Variants in PYROXD1 observed in about 807,000 individuals in gnomAD.
PYROXD1 encodes tRNA ligase complex-associated NAD(P)H dehydrogenase PYROXD1.
Under a neutral mutation model 62.0 loss-of-function variants are expected in PYROXD1, and 42 were observed. The observed-to-expected ratio is 0.68, with a 90% CI of 0.53 to 0.88. PYROXD1 has a LOEUF of 0.88. Ranked by LOEUF, PYROXD1 falls within the 40% of genes least tolerant of loss-of-function variation. The pLI, the probability that PYROXD1 is intolerant of heterozygous loss-of-function variation, is 0.00. For missense variants in PYROXD1, 493 were observed against 604.8 expected, an observed-to-expected ratio of 0.82 and a Z score of 1.94; for synonymous variants, 170 against 206.4, an observed-to-expected ratio of 0.82 and a Z score of 1.51.
At position 21,452,077 on chromosome 12, in the gene PYROXD1, A is replaced by G. The variant is rs1231626760; in HGVS notation, c.415-4A>G. ...ACTACCTCATTATTTTCTTTTTAACATAGGAATTTCAGAAACAGCTTACTA... is the reference window on the plus strand; with the variant it reads ...ACTACCTCATTATTTTCTTTTTAACGTAGGAATTTCAGAAACAGCTTACTA... On this transcript the variant is annotated splice_region_variant and splice_polypyrimidine_tract_variant and intron_variant, in intron 4 of 11. Transcript: ENST00000240651. 9 of 1,562,190 alleles carry G rather than the reference A, an allele frequency of 5.8e-6. No individual in the cohort carries two copies. The highest frequency in any genetic ancestry group is 1.2e-5 in the South Asian group (1 of 83,918).
intron 2 of PYROXD1, among the ~76,000 whole-genome samples, chr12:21,441,485 C>T (rs1236777090): frequency 1.3e-5 from 2 of 152,110 alleles, no homozygotes. Context: ...TTCTTCCCTT[C>T]TGACTGTATA....
chr12:21,451,337 A>T (rs1942494171), intron 4 of PYROXD1, among the ~76,000 whole-genome samples: 1 of 151,482 alleles, frequency 6.6e-6, no homozygotes, highest in Non-Finnish European at 1.5e-5. Flanking sequence ...GGTGTGCTGC[A>T]CCCTTTAACT....
Position 21,462,693 on chromosome 12 carries a change from C to T in PYROXD1, c.994-47C>T, listed in dbSNP as rs775262967. 6.3e-6 allele frequency: 10 copies of T among 1,594,454 alleles called. No homozygotes were observed. The South Asian group carries it at 1.0e-4, about 16-fold the overall frequency. On this transcript the variant is annotated intron_variant, in intron 9 of 11. Transcript: ENST00000240651. ...TCTTTTACTTTAAAATGGAAAAAGT[C>T]GTTTCATTTTTCTTAACACTTAACG... is the stretch of plus-strand genomic sequence containing the variant.
At chr12:21,444,668 C>A (rs1336685527) in intron 2 of PYROXD1, among the ~76,000 whole-genome samples, 2 of 113,398 alleles carry the variant, frequency 1.8e-5, no homozygotes, top group South Asian at 5.2e-4. Flanking sequence ...GTAAAGGGGT[C>A]ATGAGACCAA....
At position 21,467,474 on chromosome 12, in the gene PYROXD1, A is replaced by G; in HGVS notation, c.1117-7A>G. 3.2e-6 allele frequency: 5 copies of G among 1,579,150 alleles called. No individual in the cohort carries two copies. The highest frequency in any genetic ancestry group is 4.3e-6 in the Non-Finnish European group (5 of 1,167,672). On this transcript the variant is annotated splice_region_variant and splice_polypyrimidine_tract_variant and intron_variant, in intron 10 of 11. Coordinates refer to ENST00000240651, the MANE Select transcript of PYROXD1 (RefSeq NM_024854.5). ...TGACATTGTGTAACATTTTTTCATC[A>G]TTTCAGATGAGGCTGTGGACCCAGG...
chr12:21,463,342 A>T (rs1375360063), intron 10 of PYROXD1, among the ~76,000 whole-genome samples: 2 of 152,206 alleles, frequency 1.3e-5, no homozygotes, highest in Non-Finnish European at 2.9e-5. Context: ...TGTAAATTAT[A>T]TAGAAAAGCA....
At chr12:21,439,948 G>C (rs1942262872) in intron 1 of PYROXD1, among the ~76,000 whole-genome samples, 1 of 152,160 alleles carries the variant, frequency 6.6e-6, no homozygotes, top group Non-Finnish European at 1.5e-5. Flanking sequence ...TTAATATTGA[G>C]GGTTTGCTTT....
intron 10 of PYROXD1, among the ~76,000 whole-genome samples, chr12:21,464,412 T>G (rs1386832817): frequency 6.6e-6 from 1 of 151,858 alleles, no homozygotes; most frequent in East Asian, 1.9e-4. Flanking sequence ...CTTCATCAAA[T>G]CTATAATACC....
rs1322940699 is a variant in PYROXD1, at chr12:21,438,142, T to C, written c.84+328T>C. On this transcript the variant is annotated intron_variant, in intron 1 of 11. Coordinates refer to ENST00000240651, the MANE Select transcript of PYROXD1 (RefSeq NM_024854.5). ...AAATTCAGCCCCCTTTCTTTTTATT[T>C]TTTTTTCTTTTTCTTTGAGACGGAG... is the stretch of plus-strand genomic sequence containing the variant. 1.9e-5 allele frequency: 5 copies of C among 261,188 alleles called. 1 individual carries two copies. The highest frequency in any genetic ancestry group is 1.1e-4 in the African/African-American group (5 of 44,912). The allele number at this position is 261,188 out of a possible 1,614,324, so 16.2% of individuals were successfully genotyped here. A position where few individuals can be genotyped will look rare whatever the true frequency, so the allele number is the denominator to read the frequency against.
intron 7 of PYROXD1, among the ~76,000 whole-genome samples, chr12:21,460,392 A>T (rs1015077747): frequency 2.7e-5 from 4 of 150,756 alleles, no homozygotes; most frequent in African/African-American, 7.3e-5. Flanking sequence ...GTCATTTTTT[A>T]AATTTTTATT....
chr12:21,453,766 T>C lies in PYROXD1; in HGVS notation c.489-1366T>C, dbSNP rs550543074. On this transcript the variant is annotated intron_variant, in intron 5 of 11. Transcript: ENST00000240651. ...CTTGTGGTTACTTGTAATAACTTTG[T>C]CTGCTAGTCAGTCATCAGTATGCTG... Among the ~76,000 whole-genome samples, 6 of 152,200 alleles carry C rather than the reference T, an allele frequency of 3.9e-5. No homozygotes were observed. The South Asian group carries it at 1.2e-3, about 32-fold the overall frequency.
intron 2 of PYROXD1, 26 bp from the exon 3 acceptor site, chr12:21,445,321 A>C (rs1942366050): frequency 6.6e-7 from 1 of 1,518,362 alleles, no homozygotes; most frequent in Non-Finnish European, 8.8e-7. Flanking sequence ...AAAAATATAC[A>C]TTTTTAATCT....
rs1942364435 is a variant in PYROXD1, at chr12:21,445,271, A to C, written c.166-76A>C. 1.3e-5 allele frequency: 18 copies of C among 1,382,346 alleles called. No individual in the cohort carries two copies. In the East Asian group the frequency reaches 4.7e-4, roughly 36 times the overall value. 85.6% of individuals were successfully genotyped at this position (1,382,346 alleles called of 1,614,324 possible). A position where few individuals can be genotyped will look rare whatever the true frequency, so the allele number is the denominator to read the frequency against. On this transcript the variant is annotated intron_variant, in intron 2 of 11. Coordinates refer to ENST00000240651, the MANE Select transcript of PYROXD1 (RefSeq NM_024854.5). ...AACACAAAATAGTGTGTAAAAGCAA[A>C]GTATTTTTATTATTTAAGATTCTTG...
rs1303529676 is a variant in PYROXD1, at chr12:21,456,217, T to C, written c.750+122T>C. On this transcript the variant is annotated intron_variant, in intron 7 of 11. Transcript: ENST00000240651. ...GTTAGGTCACTTTACTTAAAATCCATAGTGTTAGGAAAAGACCTCCAATGC... is the reference window on the plus strand; with the variant it reads ...GTTAGGTCACTTTACTTAAAATCCACAGTGTTAGGAAAAGACCTCCAATGC... 1.1e-5 allele frequency: 7 copies of C among 637,292 alleles called. No individual in the cohort carries two copies. The Admixed American group carries it at 1.6e-4, about 14-fold the overall frequency. 39.5% of individuals were successfully genotyped at this position (637,292 alleles called of 1,614,324 possible). A position where few individuals can be genotyped will look rare whatever the true frequency, so the allele number is the denominator to read the frequency against.
At chr12:21,441,818 G>A (rs1054729374) in intron 2 of PYROXD1, among the ~76,000 whole-genome samples, 3 of 152,144 alleles carry the variant, frequency 2.0e-5, no homozygotes, top group Non-Finnish European at 4.4e-5. Context: ...GCCTTATGTT[G>A]ATGTTTGCAC....
chr12:21,448,689 T>C (rs1007839830), intron 3 of PYROXD1, among the ~76,000 whole-genome samples: 2 of 152,226 alleles, frequency 1.3e-5, no homozygotes, highest in Non-Finnish European at 2.9e-5. Context: ...AGTCAAACAC[T>C]TGGCACAAAC....
In PYROXD1 at chr12:21,462,920, G is replaced by A. The variant is rs73067230; in HGVS notation, c.1116+58G>A. Reference sequence around the variant, plus strand: ...CAGAGATTCTGTCTGAAAATAAAGCGGTTGTTACCAACAAATCCAACTTCT... The same window carrying A: ...CAGAGATTCTGTCTGAAAATAAAGCAGTTGTTACCAACAAATCCAACTTCT... On this transcript the variant is annotated intron_variant, in intron 10 of 11. Transcript: ENST00000240651. 3.4e-3 allele frequency: 5,243 copies of A among 1,530,784 alleles called. 15 individuals carry two copies. Among genetic ancestry groups the A allele is most frequent in the Middle Eastern group, 5.5e-3 (32 of 5,810 alleles). The allele number at this position is 1,530,784 out of a possible 1,614,324, so 94.8% of individuals were successfully genotyped here. A position where few individuals can be genotyped will look rare whatever the true frequency, so the allele number is the denominator to read the frequency against.
In PYROXD1 at chr12:21,456,010, C is replaced by T; in HGVS notation, c.665C>T (p.Ala222Val). Residue 222 changes from alanine (A) to valine (V), a missense_variant, in exon 7 of 12, where the codon GCT becomes GTT. By Grantham distance (64) the Ala-to-Val change is moderately conservative. This residue lies in a region of PYROXD1 where 329 missense variants were observed against 446.6 expected (regional missense o/e 0.74). Coordinates refer to ENST00000240651, the MANE Select transcript of PYROXD1 (RefSeq NM_024854.5). ...RYTTEGRKKE[A>V]RSKSKADNVG... ...ATCTCTTTAGGAAGGAAAAAGGAAG[C>T]TAGAAGCAAATCTAAAGCAGATAAT... 6.2e-7 allele frequency: 1 copy of T among 1,606,842 alleles called. No homozygotes were observed. The highest frequency in any genetic ancestry group is 1.1e-5 in the South Asian group (1 of 89,996).
chr12:21,440,364 T>G lies in PYROXD1; in HGVS notation c.85-4T>G. On this transcript the variant is annotated splice_region_variant and splice_polypyrimidine_tract_variant and intron_variant, in intron 1 of 11. Coordinates refer to ENST00000240651, the MANE Select transcript of PYROXD1 (RefSeq NM_024854.5). The stretch of plus-strand genomic sequence containing the variant: ...AATTTTTTTTCTCTCTTTTTAAAAA[T>G]AAGTTGGCTACTCACTTTCCATCGG... 6.4e-7 allele frequency: 1 copy of G among 1,562,678 alleles called. No homozygotes were observed. Among genetic ancestry groups the G allele is most frequent in the Non-Finnish European group, 8.7e-7 (1 of 1,144,376 alleles).
Sources: allele counts gnomAD v4.1 joint callset (sites outside exome capture counted in the v4.1 genomes callset), GRCh38; gene constraint gnomAD v4.1.1; regional missense constraint gnomAD v4.1.1; transcripts MANE v1.5; gene names NCBI Gene and HGNC (gene_info 2026-07-23, HGNC 2026-07-21).